USP32: variants seen among roughly 807,000 people sequenced by gnomAD.
The protein encoded by USP32 is ubiquitin specific peptidase 32, also known as ubiquitin carboxyl-terminal hydrolase 32.
Under a neutral mutation model 204.8 loss-of-function variants are expected in USP32, and 59 were observed. That is an observed-to-expected ratio of 0.29 (90% CI 0.23 to 0.36). The LOEUF (loss-of-function observed/expected upper bound fraction) is 0.36. USP32 is among the 10% of genes least tolerant of loss of function. The pLI is 1.00. For synonymous variants in USP32, 517 were observed against 678.4 expected, an observed-to-expected ratio of 0.76 and a Z score of 3.70; for missense variants, 1,160 against 1,946.4, an observed-to-expected ratio of 0.60 and a Z score of 7.60.
intron 1 of USP32, among the ~76,000 whole-genome samples, chr17:60,371,349 C>T (rs2089437638): frequency 6.6e-6 from 1 of 151,644 alleles, no homozygotes; most frequent in Admixed American, 6.6e-5. Context: ...GGTGGATCAC[C>T]TGAGGTCAGG....
At chr17:60,208,542 T>C (rs1415567616) in intron 23 of USP32, 112 bp downstream of exon 23, 2 of 1,373,980 alleles carry the variant, frequency 1.5e-6, no homozygotes, top group Non-Finnish European at 1.9e-6. Context: ...AATTATAATA[T>C]GCTGACTACC....
At chr17:60,415,252 T>C (rs1165851089) in intron 1 of USP32, among the ~76,000 whole-genome samples, 1 of 152,186 alleles carries the variant, frequency 6.6e-6, no homozygotes, top group Non-Finnish European at 1.5e-5. Flanking sequence ...AGGACTTCAC[T>C]GTACATGGTC....
At chr17:60,253,221 C>G (rs551617625) in intron 10 of USP32, among the ~76,000 whole-genome samples, 2 of 152,126 alleles carry the variant, frequency 1.3e-5, no homozygotes, top group African/African-American at 4.8e-5. Flanking sequence ...GACTCAGACA[C>G]AAACTTAAGT....
chr17:60,342,576 C>A (rs1056452739), intron 2 of USP32, among the ~76,000 whole-genome samples: 4 of 152,198 alleles, frequency 2.6e-5, no homozygotes, highest in Non-Finnish European at 5.9e-5. Flanking sequence ...CTGCAGTGGG[C>A]TCCTCCCAGT....
chr17:60,253,659 G>A (rs1490699055), intron 10 of USP32, among the ~76,000 whole-genome samples: 1 of 152,018 alleles, frequency 6.6e-6, no homozygotes, highest in Non-Finnish European at 1.5e-5. Context: ...CCAGCTACTC[G>A]GGAGGTTGAG....
At chr17:60,254,602 G>C (rs146159562) in intron 10 of USP32, among the ~76,000 whole-genome samples, 2 of 152,146 alleles carry the variant, frequency 1.3e-5, no homozygotes, top group Non-Finnish European at 2.9e-5. Flanking sequence ...GGGAGGCTGC[G>C]GAAGGAGAAT....
chr17:60,243,496 TA>T (rs993074938), intron 11 of USP32, among the ~76,000 whole-genome samples: 3 of 152,236 alleles, frequency 2.0e-5, no homozygotes, highest in African/African-American at 7.2e-5. Context: ...TTTTTCAAGA[TA>T]TTTTTTAGAG....
At chr17:60,385,772 G>A (rs1230824899) in intron 1 of USP32, among the ~76,000 whole-genome samples, 1 of 149,470 alleles carries the variant, frequency 6.7e-6, no homozygotes, top group Admixed American at 6.7e-5. Flanking sequence ...AACCCGGGAG[G>A]CAGAGGTTGC....
intron 1 of USP32, among the ~76,000 whole-genome samples, chr17:60,371,253 T>TAAAAAAA (rs373242290): frequency 2.4e-4 from 16 of 66,040 alleles, no homozygotes; most frequent in Non-Finnish European, 2.6e-4. Flanking sequence ...CTCTAAAAAT[T>TAAAAAAA]AAAAAAAAAA....
At position 60,265,752 on chromosome 17, in the gene USP32, G is replaced by A. The variant is rs970526497; in HGVS notation, c.927+224C>T. Among the ~76,000 whole-genome samples, 4 of 152,124 alleles carry A rather than the reference G, an allele frequency of 2.6e-5. No individual in the cohort carries two copies. The East Asian group carries it at 5.8e-4, about 22-fold the overall frequency. On this transcript the variant is annotated intron_variant, in intron 8 of 33. Transcript: ENST00000300896. The stretch of plus-strand genomic sequence containing the variant: ...ATTCTCATATATGATTAAAAATTAA[G>A]ATAACTTTCCTATGGTTTCATTCTT...
At chr17:60,276,480 T>C (rs1442110807) in intron 5 of USP32, among the ~76,000 whole-genome samples, 2 of 152,124 alleles carry the variant, frequency 1.3e-5, no homozygotes, top group Non-Finnish European at 2.9e-5. Context: ...ACTAGCTTTT[T>C]CAAGTTCTAA....
chr17:60,382,808 CA>C (rs1291698313), intron 1 of USP32, among the ~76,000 whole-genome samples: 1 of 151,918 alleles, frequency 6.6e-6, no homozygotes, highest in Admixed American at 6.6e-5. Context: ...TATACATAAC[CA>C]AAAGACATTC....
intron 1 of USP32, among the ~76,000 whole-genome samples, chr17:60,415,221 G>C (rs573755599): frequency 1.1e-4 from 17 of 152,286 alleles, no homozygotes; most frequent in Admixed American, 3.9e-4. Flanking sequence ...GCTGGATGTA[G>C]GCTGCTGGCA....
chr17:60,238,189 C>T (rs1283443800), intron 11 of USP32, among the ~76,000 whole-genome samples: 3 of 152,120 alleles, frequency 2.0e-5, no homozygotes, highest in African/African-American at 7.2e-5. Context: ...GATCACTGAA[C>T]ATCTGGAGAA....
chr17:60,345,695 A>C, intron 1 of USP32, 87 bp from the exon 2 acceptor site: 1 of 1,579,448 alleles, frequency 6.3e-7, no homozygotes, highest in Non-Finnish European at 8.7e-7. Context: ...CCTAAGAAAA[A>C]TTGAGGCTAG....
chr17:60,189,529 C>T (rs2084327371), intron 29 of USP32, among the ~76,000 whole-genome samples: 1 of 152,244 alleles, frequency 6.6e-6, no homozygotes. Flanking sequence ...CTATCAGATT[C>T]TTAATGTCTT....
chr17:60,232,546 ATTTTTTTTT>A (rs11344960), intron 12 of USP32, among the ~76,000 whole-genome samples: 1 of 100,710 alleles, frequency 9.9e-6, no homozygotes, highest in Non-Finnish European at 2.2e-5. Context: ...GAGAAATTTG[ATTTTTTTTT>A]TTTTTTTTTT....
chr17:60,334,801 C>T (rs1460398652), intron 2 of USP32, among the ~76,000 whole-genome samples: 2 of 143,134 alleles, frequency 1.4e-5, no homozygotes, highest in Non-Finnish European at 3.0e-5. Context: ...CCATATTGTT[C>T]AAGGGTCAAC....
intron 31 of USP32, 102 bp downstream of exon 31, chr17:60,183,063 T>C (rs1203433208): frequency 5.4e-6 from 8 of 1,472,744 alleles, no homozygotes; most frequent in African/African-American, 2.8e-5. Context: ...AGATAGGTTC[T>C]TTCCACCCAA....
Sources: allele counts gnomAD v4.1 joint callset (sites outside exome capture counted in the v4.1 genomes callset), GRCh38; gene constraint gnomAD v4.1.1; transcripts MANE v1.5; gene names NCBI Gene and HGNC (gene_info 2026-07-23, HGNC 2026-07-21).